SLC36A4: variants seen among roughly 807,000 people sequenced by gnomAD.
SLC36A4 encodes the protein neutral amino acid uniporter 4.
SLC36A4 carries 49 observed loss-of-function variants against 50.5 expected under a neutral mutation model. The observed-to-expected ratio is 0.97, with a 90% confidence interval of 0.77 to 1.23. The LOEUF (loss-of-function observed/expected upper bound fraction) is 1.23, where lower values mean the gene tolerates loss of function less well. SLC36A4 is among the 50% of genes most tolerant of loss of function. The probability of loss-of-function intolerance (pLI) is 0.00; values close to 1 mark genes in which losing one functional copy is unlikely to be tolerated. For synonymous variants in SLC36A4, 207 were observed against 206.5 expected, an observed-to-expected ratio of 1.00 and a Z score of -0.02; for missense variants, 611 against 608.4, an observed-to-expected ratio of 1.00 and a Z score of -0.05.
At chr11:93,191,181 A>G (rs891818262) in intron 1 of SLC36A4, among the ~76,000 whole-genome samples, 2 of 152,208 alleles carry the variant, frequency 1.3e-5, no homozygotes, top group Non-Finnish European at 2.9e-5. Flanking sequence ...GCTCCAGGTA[A>G]TACTATATAT....
At chr11:93,157,844 T>C (rs1860436419) in intron 9 of SLC36A4, among the ~76,000 whole-genome samples, 1 of 152,198 alleles carries the variant, frequency 6.6e-6, no homozygotes. Context: ...CAGTTCTTCC[T>C]ATTTGGATGC....
At chr11:93,163,079 T>C (rs1860704271) in intron 8 of SLC36A4, among the ~76,000 whole-genome samples, 2 of 152,286 alleles carry the variant, frequency 1.3e-5, no homozygotes, top group South Asian at 2.1e-4. Context: ...AACTCATCTC[T>C]TGGCAGGCAA....
intron 7 of SLC36A4, 77 bp downstream of exon 7, chr11:93,167,867 A>T: frequency 1.2e-6 from 1 of 854,422 alleles, no homozygotes; most frequent in Non-Finnish European, 1.9e-6. Flanking sequence ...GCATATCATT[A>T]CTTTTACCTC....
At chr11:93,159,785 G>A (rs1309970051) in intron 9 of SLC36A4, 2 of 981,466 alleles carry the variant, frequency 2.0e-6, no homozygotes, top group Admixed American at 6.2e-5. Context: ...TAATAACTTG[G>A]AGCTTCTCTA....
At position 93,188,138 on chromosome 11, in the gene SLC36A4, T is replaced by C. The variant is rs111893347; in HGVS notation, c.56-2324A>G. ...CAAAAATTTTCTGTTTTTATACTTA[T>C]AGATAATTTGAGGTTCATGGTATCC... is the stretch of plus-strand genomic sequence containing the variant. On this transcript the variant is annotated intron_variant, in intron 1 of 10. Transcript: ENST00000326402. Among the ~76,000 whole-genome samples the C allele has an allele frequency of 4.4e-3, 673 of 152,302 alleles. 3 individuals are homozygous for C. Among genetic ancestry groups the C allele is most frequent in the African/African-American group, 0.016 (656 of 41,556 alleles).
rs939148823 is a variant in SLC36A4 at position 93,197,976 on chromosome 11, G to T, written c.-144C>A. 32 of 828,954 alleles carry T rather than the reference G, an allele frequency of 3.9e-5. No homozygotes were observed. The Admixed American group carries it at 5.5e-4, about 14-fold the overall frequency. 51.3% of individuals were successfully genotyped at this position (828,954 alleles called of 1,614,324 possible). On this transcript the variant is annotated 5_prime_UTR_variant, in exon 1 of 11. Coordinates refer to ENST00000326402, the MANE Select transcript of SLC36A4 (RefSeq NM_152313.4). ...CCCTGCCCCGGCGCTCCCCAACCGCGCGGCGAGGAGCATGCGCAGTGGGAC... is the reference window on the plus strand; with the variant it reads ...CCCTGCCCCGGCGCTCCCCAACCGCTCGGCGAGGAGCATGCGCAGTGGGAC...
At chr11:93,176,392 C>G (rs2134680774) in intron 6 of SLC36A4, among the ~76,000 whole-genome samples, 1 of 152,170 alleles carries the variant, frequency 6.6e-6, no homozygotes. Context: ...TGGGTCCTGA[C>G]TCTTTATCCA....
chr11:93,166,092 CA>C, intron 7 of SLC36A4, 76 bp from the exon 8 acceptor site: 1 of 1,323,688 alleles, frequency 7.6e-7, no homozygotes, highest in Admixed American at 2.4e-5. Context: ...TAAGAAAAAT[CA>C]TATAATTTTG....
chr11:93,176,808 C>T (rs1305175123), intron 6 of SLC36A4, among the ~76,000 whole-genome samples: 1 of 152,142 alleles, frequency 6.6e-6, no homozygotes, highest in Non-Finnish European at 1.5e-5. Flanking sequence ...GAGTTTCTGC[C>T]GAGAGATCCA....
At position 93,168,124 on chromosome 11, in the gene SLC36A4, G is replaced by T. The variant is rs1185760334; in HGVS notation, c.588C>A (p.Thr196=). 1 of 1,611,560 alleles carries T rather than the reference G, an allele frequency of 6.2e-7. No individual in the cohort carries two copies. The highest frequency in any genetic ancestry group is 1.7e-5 in the Admixed American group (1 of 59,790). The stretch of plus-strand genomic sequence containing the variant: ...TTCTCTCACAAGGGTTTGATGAATT[G>T]GTACTATTTGAAATAAACACTTTAC... ...LESKVFISNS[T]NSSNPCERRS... The change falls in exon 7 of 11, where the codon ACC becomes ACA. Residue 196 remains threonine, a synonymous_variant. Transcript: ENST00000326402.
rs1565210818 is a variant in SLC36A4 at position 93,147,164 on chromosome 11, TTA to T, written c.*1371_*1372del. ...TAATTTTTTTTTAAATTTTTATGTT[TTA>T]TAGAGTCGAGGTCTCACTATGCTGC... is the stretch of plus-strand genomic sequence containing the variant. On this transcript the variant is annotated 3_prime_UTR_variant, in exon 11 of 11. Coordinates refer to ENST00000326402, the MANE Select transcript of SLC36A4 (RefSeq NM_152313.4). The T allele has an allele frequency of 6.6e-6, 1 of 152,030 alleles. No homozygotes were observed. The highest frequency in any genetic ancestry group is 1.5e-5 in the Non-Finnish European group (1 of 68,002). 9.4% of individuals were successfully genotyped at this position (152,030 alleles called of 1,614,324 possible).
chr11:93,176,331 C>A (rs1391739568), intron 6 of SLC36A4, among the ~76,000 whole-genome samples: 17 of 151,442 alleles, frequency 1.1e-4, no homozygotes, highest in Non-Finnish European at 2.2e-4. Flanking sequence ...TTATTTTGAG[C>A]CTATGTGTGT....
intron 1 of SLC36A4, 145 bp downstream of exon 1, chr11:93,197,633 T>C: frequency 1.2e-6 from 1 of 868,666 alleles, no homozygotes; most frequent in South Asian, 1.6e-5. Flanking sequence ...ACCGGTTCCT[T>C]TGCGGATGCT....
chr11:93,151,698 T>C (rs1351391254), intron 10 of SLC36A4, among the ~76,000 whole-genome samples: 6 of 152,070 alleles, frequency 3.9e-5, no homozygotes, highest in Non-Finnish European at 5.9e-5. Context: ...TAGTCTACTA[T>C]AGATTATAAA....
chr11:93,190,344 A>G (rs1160975332), intron 1 of SLC36A4, among the ~76,000 whole-genome samples: 1 of 152,206 alleles, frequency 6.6e-6, no homozygotes, highest in African/African-American at 2.4e-5. Flanking sequence ...TTTGTTATGT[A>G]TTTCAAAATA....
At chr11:93,169,279 G>A (rs1433032696) in intron 6 of SLC36A4, among the ~76,000 whole-genome samples, 1 of 152,056 alleles carries the variant, frequency 6.6e-6, no homozygotes, top group African/African-American at 2.4e-5. Context: ...GGAACCTGAG[G>A]CTTAGAGAAA....
chr11:93,180,013 GA>G, intron 6 of SLC36A4: 9 of 837,470 alleles, frequency 1.1e-5, no homozygotes, highest in Non-Finnish European at 1.3e-5. Context: ...AGGTTCTTTA[GA>G]AAACATACAC....
At chr11:93,191,550 T>G (rs1055430525) in intron 1 of SLC36A4, among the ~76,000 whole-genome samples, 1 of 152,186 alleles carries the variant, frequency 6.6e-6, no homozygotes, top group Non-Finnish European at 1.5e-5. Context: ...CCTTGGTTAT[T>G]TCACACTGTG....
At chr11:93,153,089 A>C (rs767781728) in intron 10 of SLC36A4, among the ~76,000 whole-genome samples, 18 of 152,028 alleles carry the variant, frequency 1.2e-4, no homozygotes, top group Non-Finnish European at 1.6e-4. Context: ...AATATAATAC[A>C]CTCAATTCTT....
Sources: gnomAD v4.1 joint callset for allele counts (sites outside exome capture counted in the v4.1 genomes callset) on GRCh38, gnomAD v4.1.1 for gene constraint, MANE v1.5 for transcripts, NCBI Gene and HGNC (gene_info 2026-07-23, HGNC 2026-07-21) for gene names.